The following PRRG1 variants were observed in gnomAD, a reference collection of about 807,000 sequenced individuals.
PRRG1 encodes the protein transmembrane gamma-carboxyglutamic acid protein 1.
Under a neutral mutation model 11.8 loss-of-function variants are expected in PRRG1, and 5 were observed. That is an observed-to-expected ratio of 0.42 (90% CI 0.22 to 0.89). The LOEUF (loss-of-function observed/expected upper bound fraction) is 0.89, where lower values mean the gene tolerates loss of function less well. PRRG1 is among the 40% of genes least tolerant of loss of function. The pLI is 0.28. For missense variants in PRRG1, 155 were observed against 166.1 expected, an observed-to-expected ratio of 0.93 and a Z score of 0.37; for synonymous variants, 66 against 60.4, an observed-to-expected ratio of 1.09 and a Z score of -0.43.
intron 1 of PRRG1, among the ~76,000 whole-genome samples, chrX:37,389,248 C>A (rs1411794949): frequency 1.8e-5 from 2 of 111,699 alleles, no homozygotes; most frequent in Non-Finnish European, 3.8e-5. Flanking sequence ...CCTTCTGATC[C>A]CTCCACACTC....
At chrX:37,446,478 A>G (rs1468662675) in intron 3 of PRRG1, among the ~76,000 whole-genome samples, 3 of 111,990 alleles carry the variant, frequency 2.7e-5, no homozygotes. Flanking sequence ...GAAGTAATAC[A>G]TCCGTAATGT....
At chrX:37,436,978 T>A (rs1171553325) in intron 3 of PRRG1, among the ~76,000 whole-genome samples, 1 of 112,416 alleles carries the variant, frequency 8.9e-6, no homozygotes, top group Non-Finnish European at 1.9e-5. Context: ...TGGAACCTCT[T>A]GAAAATAAGT....
At chrX:37,354,030 C>T (rs1231807394) in intron 1 of PRRG1, among the ~76,000 whole-genome samples, 2 of 112,256 alleles carry the variant, frequency 1.8e-5, no homozygotes, top group Non-Finnish European at 3.8e-5. Flanking sequence ...TATTTCCCAC[C>T]CTGTTTGAGC....
chrX:37,408,266 A>G (rs1932245690), intron 2 of PRRG1, among the ~76,000 whole-genome samples: 1 of 111,147 alleles, frequency 9.0e-6, no homozygotes, highest in Admixed American at 9.6e-5. Flanking sequence ...TAGACTAGAA[A>G]GAAGGAAGAA....
chrX:37,449,223 T>G (rs896947075), intron 3 of PRRG1, among the ~76,000 whole-genome samples: 15 of 111,359 alleles, frequency 1.3e-4, no homozygotes, highest in African/African-American at 4.2e-4. Context: ...TTAATGTCAT[T>G]CTCTTTCAAG....
At chrX:37,377,274 G>A (rs1454628072) in intron 1 of PRRG1, among the ~76,000 whole-genome samples, 9 of 111,440 alleles carry the variant, frequency 8.1e-5, no homozygotes, top group Admixed American at 2.9e-4. Context: ...TAACTCATTT[G>A]TTGAAAGACG....
intron 1 of PRRG1, among the ~76,000 whole-genome samples, chrX:37,352,578 T>C (rs1188535230): frequency 6.3e-5 from 7 of 111,471 alleles, no homozygotes; most frequent in Non-Finnish European, 1.3e-4. Context: ...ATTTTTTTTC[T>C]CTAATTCTTT....
intron 1 of PRRG1, among the ~76,000 whole-genome samples, chrX:37,350,714 C>T (rs1930031638): frequency 9.0e-6 from 1 of 111,030 alleles, no homozygotes; most frequent in Non-Finnish European, 1.9e-5. Context: ...ACTGAACTTC[C>T]TCCTCTCCAC....
chrX:37,424,760 G>A (rs1214121059), intron 2 of PRRG1, among the ~76,000 whole-genome samples: 1 of 110,656 alleles, frequency 9.0e-6, no homozygotes, highest in Admixed American at 9.6e-5. Context: ...TAAATAATGA[G>A]TCCATATATT....
At chrX:37,416,058 T>C (rs1198864252) in intron 2 of PRRG1, among the ~76,000 whole-genome samples, 3 of 112,133 alleles carry the variant, frequency 2.7e-5, no homozygotes, top group Non-Finnish European at 5.6e-5. Context: ...TAAAAACATG[T>C]CTTTCACCAG....
chrX:37,399,146 C>G (rs1931848442), intron 1 of PRRG1, among the ~76,000 whole-genome samples: 1 of 110,854 alleles, frequency 9.0e-6, no homozygotes, highest in South Asian at 3.9e-4. Flanking sequence ...CAAAGATACT[C>G]CTCGAGAAGA....
At chrX:37,397,687 A>G (rs1357423023) in intron 1 of PRRG1, among the ~76,000 whole-genome samples, 1 of 111,532 alleles carries the variant, frequency 9.0e-6, no homozygotes, top group Non-Finnish European at 1.9e-5. Flanking sequence ...AGAGGCAAAG[A>G]GTTGGACCAG....
At chrX:37,428,743 C>T (rs1364117649) in intron 3 of PRRG1, among the ~76,000 whole-genome samples, 1 of 112,204 alleles carries the variant, frequency 8.9e-6, no homozygotes, top group Non-Finnish European at 1.9e-5. Flanking sequence ...TATATAGTAC[C>T]CCAGTAGGGA....
chrX:37,368,701 G>GT (rs373499744), intron 1 of PRRG1, among the ~76,000 whole-genome samples: 4,978 of 108,172 alleles, frequency 0.046, 274 homozygotes, highest in African/African-American at 0.15. Context: ...CCTAAGATCT[G>GT]TTTTTTTTTA....
intron 3 of PRRG1, chrX:37,440,643 C>T: frequency 2.3e-6 from 1 of 440,908 alleles, no homozygotes; most frequent in Non-Finnish European, 3.9e-6. Flanking sequence ...TTATAAAGAT[C>T]CAGGAGGGTA....
intron 1 of PRRG1, among the ~76,000 whole-genome samples, chrX:37,370,530 C>T (rs781923190): frequency 9.0e-6 from 1 of 111,477 alleles, no homozygotes; most frequent in Non-Finnish European, 1.9e-5. Context: ...TGGCTGTGGA[C>T]CCAGGACTTC....
chrX:37,382,314 G>T (rs1307655077), intron 1 of PRRG1, among the ~76,000 whole-genome samples: 1 of 111,082 alleles, frequency 9.0e-6, no homozygotes, highest in Non-Finnish European at 1.9e-5. Flanking sequence ...GCACGTGCTT[G>T]CCCCAAAGAA....
intron 3 of PRRG1, among the ~76,000 whole-genome samples, chrX:37,435,584 T>A (rs1361316691): frequency 4.5e-5 from 5 of 110,955 alleles, no homozygotes; most frequent in African/African-American, 1.6e-4. Flanking sequence ...GTCACACATA[T>A]GATATACTGA....
rs192609792 is a variant in PRRG1 at position 37,446,571 on chromosome X, C to T, written c.172-6565C>T. On this transcript the variant is annotated intron_variant, in intron 3 of 3. Transcript: ENST00000378628. Reference sequence around the variant, plus strand: ...GGCTCTCAAGTGTCTTTCATACCAGCCCCACTGAAAGATTACCTTCCTTAG... The same window carrying T: ...GGCTCTCAAGTGTCTTTCATACCAGTCCCACTGAAAGATTACCTTCCTTAG... 8.9e-5 allele frequency among the ~76,000 whole-genome samples: 10 copies of T among 112,182 alleles called. No homozygotes were observed. In the East Asian group the frequency reaches 2.5e-3, roughly 28 times the overall value.
Sources: gnomAD v4.1 joint callset for allele counts (sites outside exome capture counted in the v4.1 genomes callset) on GRCh38, gnomAD v4.1.1 for gene constraint, MANE v1.5 for transcripts, NCBI Gene and HGNC (gene_info 2026-07-23, HGNC 2026-07-21) for gene names.